ARK2C: variants seen among roughly 807,000 people sequenced by gnomAD.
ARK2C encodes E3 ubiquitin-protein ligase ARK2C.
At chr18:46,449,568 T>A in the ARK2C span, among the ~76,000 whole-genome samples, 38 of 152,106 alleles carry the variant, frequency 2.5e-4, no homozygotes, top group African/African-American at 7.7e-4. Context: ...AATCCCCACA[T>A]GTTAAGGGCA....
chr18:46,442,256 A>G, the ARK2C span, among the ~76,000 whole-genome samples: 1 of 151,296 alleles, frequency 6.6e-6, no homozygotes, highest in South Asian at 2.1e-4. Flanking sequence ...TCTTGATTTT[A>G]TTATTTCCTC....
At chr18:46,374,907 T>C in the ARK2C span, among the ~76,000 whole-genome samples, 6,984 of 152,190 alleles carry the variant, frequency 0.046, 516 homozygotes, top group African/African-American at 0.16. Context: ...GAGTCTGACA[T>C]TTGGTCTTGA....
At chr18:46,364,230 G>A in the ARK2C span, among the ~76,000 whole-genome samples, 1 of 152,036 alleles carries the variant, frequency 6.6e-6, no homozygotes, top group Non-Finnish European at 1.5e-5. Context: ...TTATAGCCAT[G>A]AGCCACTGTG....
the ARK2C span, chr18:46,336,376 C>A: frequency 6.6e-5 from 64 of 972,570 alleles, no homozygotes; most frequent in South Asian, 1.9e-4. Context: ...CTCCCTCACC[C>A]CCCCCAACAA....
chr18:46,449,965 C>A, the ARK2C span, among the ~76,000 whole-genome samples: 1 of 152,192 alleles, frequency 6.6e-6, no homozygotes, highest in Admixed American at 6.5e-5. Flanking sequence ...ATCTATTGTA[C>A]CTCATTTACC....
At chr18:46,418,494 A>G in the ARK2C span, among the ~76,000 whole-genome samples, 1 of 152,222 alleles carries the variant, frequency 6.6e-6, no homozygotes, top group African/African-American at 2.4e-5. Context: ...TAAGTCTCTG[A>G]TGTCTTGTGT....
At chr18:46,439,308 T>C in the ARK2C span, among the ~76,000 whole-genome samples, 1 of 152,186 alleles carries the variant, frequency 6.6e-6, no homozygotes, top group East Asian at 1.9e-4. Flanking sequence ...CCATGTGGGA[T>C]CCAGGCTCAG....
the ARK2C span, chr18:46,334,177 C>T: frequency 1.7e-5 from 13 of 761,542 alleles, no homozygotes; most frequent in East Asian, 1.2e-3. The surrounding 1 kb of genome is among the most constrained non-coding windows in gnomAD (Gnocchi z 4.4). Context: ...GCCCCGGCGG[C>T]TCCCGCAGCC....
the ARK2C span, among the ~76,000 whole-genome samples, chr18:46,355,308 A>C: frequency 3.3e-5 from 5 of 151,960 alleles, no homozygotes; most frequent in Admixed American, 3.3e-4. Context: ...GAGGATGAAC[A>C]TATCTGAGGG....
the ARK2C span, among the ~76,000 whole-genome samples, chr18:46,397,861 GGTGC>G: frequency 1.5e-5 from 2 of 137,052 alleles, no homozygotes; most frequent in Non-Finnish European, 3.1e-5. Context: ...GTGTGCATGT[GGTGC>G]GTATGTGTGT....
the ARK2C span, among the ~76,000 whole-genome samples, chr18:46,439,347 A>C: frequency 6.6e-6 from 1 of 152,208 alleles, no homozygotes; most frequent in Non-Finnish European, 1.5e-5. Context: ...GAGCATAGGA[A>C]GTTAGTGATC....
the ARK2C span, among the ~76,000 whole-genome samples, chr18:46,422,304 C>T: frequency 1.2e-4 from 19 of 152,322 alleles, no homozygotes; most frequent in Middle Eastern, 3.4e-3. Context: ...AAGCACCCTG[C>T]CTCTGAATGA....
At chr18:46,347,565 A>G in the ARK2C span, among the ~76,000 whole-genome samples, 1 of 152,072 alleles carries the variant, frequency 6.6e-6, no homozygotes, top group African/African-American at 2.4e-5. Context: ...AGAAAAGGGT[A>G]CTCATTCTTA....
the ARK2C span, among the ~76,000 whole-genome samples, chr18:46,416,073 G>A: frequency 0.019 from 2,846 of 152,260 alleles, 45 homozygotes; most frequent in East Asian, 0.092. Context: ...CATGGGGGTG[G>A]AGAGGAAGAA....
chr18:46,382,021 G>A, the ARK2C span, among the ~76,000 whole-genome samples: 62,706 of 151,984 alleles, frequency 0.41, 13,204 homozygotes, highest in Middle Eastern at 0.55. Context: ...CAGCAGTGCC[G>A]GGAGATGGAA....
chr18:46,433,042 C>T, the ARK2C span: 15 of 566,118 alleles, frequency 2.6e-5, no homozygotes, highest in East Asian at 3.1e-5. Flanking sequence ...TAAGGATGAC[C>T]ACATGCCTCT....
chr18:46,433,825 T>C, the ARK2C span, among the ~76,000 whole-genome samples: 1 of 152,204 alleles, frequency 6.6e-6, no homozygotes, highest in South Asian at 2.1e-4. Flanking sequence ...GGGTAACTGG[T>C]GGTCCACGAT....
chr18:46,379,430 T>G, the ARK2C span, among the ~76,000 whole-genome samples: 1 of 152,160 alleles, frequency 6.6e-6, no homozygotes, highest in East Asian at 1.9e-4. Flanking sequence ...CTACTTACCC[T>G]CACACCCACC....
At chr18:46,345,334 G>A in the ARK2C span, among the ~76,000 whole-genome samples, 30 of 152,332 alleles carry the variant, frequency 2.0e-4, no homozygotes, top group Admixed American at 3.3e-4. Context: ...AGGTGCGGTG[G>A]GAGTGTTGAT....
Sources: gnomAD v4.1 joint callset for allele counts (sites outside exome capture counted in the v4.1 genomes callset) on GRCh38, gnomAD v4.1.1 for gene constraint, Gnocchi (gnomAD v3.1) non-coding constraint, MANE v1.5 for transcripts, NCBI Gene and HGNC (gene_info 2026-07-23, HGNC 2026-07-21) for gene names.